Variants in SAMSN1 observed in about 807,000 individuals in gnomAD.
The protein encoded by SAMSN1 is SAM domain-containing protein SAMSN-1.
A neutral mutation model predicts 42.0 loss-of-function variants in SAMSN1; 31 were observed. The observed-to-expected ratio is 0.74, with a 90% CI of 0.55 to 1.00. SAMSN1 has a LOEUF of 1.00. SAMSN1 is among the 50% of genes least tolerant of loss of function. SAMSN1 has a pLI of 0.00. For synonymous variants in SAMSN1, 178 were observed against 151.9 expected, an observed-to-expected ratio of 1.17 and a Z score of -1.26; for missense variants, 464 against 439.4, an observed-to-expected ratio of 1.06 and a Z score of -0.50.
intron 7 of SAMSN1, among the ~76,000 whole-genome samples, chr21:14,491,578 C>G (rs1986686642): frequency 6.6e-6 from 1 of 152,166 alleles, no homozygotes; most frequent in African/African-American, 2.4e-5. Context: ...ACCACTTCAC[C>G]CAATTAGCTA....
chr21:14,647,301 T>A (rs938950478), intron 1 of SAMSN1, among the ~76,000 whole-genome samples: 2 of 151,908 alleles, frequency 1.3e-5, no homozygotes, highest in Non-Finnish European at 2.9e-5. Flanking sequence ...GTTGTAGATA[T>A]GCGACATTAT....
chr21:14,530,339 A>AAGAAAAAAAC (rs1555833469), intron 1 of SAMSN1, among the ~76,000 whole-genome samples: 1 of 141,128 alleles, frequency 7.1e-6, no homozygotes, highest in Admixed American at 7.5e-5. Context: ...AAAAAAAAGA[A>AAGAAAAAAAC]AGAAATAATC....
chr21:14,614,626 A>G (rs1982788516), intron 3 of SAMSN1, among the ~76,000 whole-genome samples: 1 of 152,196 alleles, frequency 6.6e-6, no homozygotes, highest in African/African-American at 2.4e-5. Context: ...TAAGCTCAAA[A>G]TTGTAAGCAA....
chr21:14,634,039 T>A (rs1983400121), intron 2 of SAMSN1, among the ~76,000 whole-genome samples: 1 of 152,152 alleles, frequency 6.6e-6, no homozygotes, highest in East Asian at 1.9e-4. Flanking sequence ...ACTTGATTTT[T>A]AAAATATTTA....
intron 7 of SAMSN1, among the ~76,000 whole-genome samples, chr21:14,486,541 CT>C (rs1244484564): frequency 6.6e-6 from 1 of 152,112 alleles, no homozygotes; most frequent in Non-Finnish European, 1.5e-5. Flanking sequence ...CAATAGTGAT[CT>C]TTGTGAACAA....
intron 1 of SAMSN1, among the ~76,000 whole-genome samples, chr21:14,521,900 TA>T (rs35197722): frequency 0.034 from 4,959 of 145,666 alleles, 102 homozygotes; most frequent in Middle Eastern, 0.06. Context: ...CAAGTTTGTT[TA>T]AAAAAAAAAA....
chr21:14,640,147 C>T (rs1214816868), intron 2 of SAMSN1, among the ~76,000 whole-genome samples: 1 of 152,018 alleles, frequency 6.6e-6, no homozygotes, highest in Non-Finnish European at 1.5e-5. Context: ...GCAGTGATAT[C>T]CAAAGGGTGA....
intron 1 of SAMSN1, among the ~76,000 whole-genome samples, chr21:14,535,021 A>T (rs534302847): frequency 3.5e-4 from 53 of 152,316 alleles, no homozygotes; most frequent in African/African-American, 1.3e-3. Flanking sequence ...GAAAAAAAGC[A>T]CAGAGCATTT....
Position 14,630,310 on chromosome 21 carries a change from C to T in SAMSN1, c.156+12692G>A, listed in dbSNP as rs533280359. Among the ~76,000 whole-genome samples the T allele has an allele frequency of 4.6e-5, 7 of 151,882 alleles. No individual in the cohort carries two copies. The South Asian group carries it at 1.0e-3, about 23-fold the overall frequency. ...CCATGCTTCCTGATCTATAGTAGTT[C>T]GGTCCAATGTCAGTAGTGATGACAA... is the stretch of plus-strand genomic sequence containing the variant. On this transcript the variant is annotated intron_variant, in intron 2 of 15. Transcript: ENST00000647101.
At position 14,603,042 on chromosome 21, in the gene SAMSN1, C is replaced by T. The variant is rs910038692; in HGVS notation, c.323-943G>A. Among the ~76,000 whole-genome samples the T allele has an allele frequency of 2.6e-5, 4 of 152,258 alleles. 1 individual carries two copies. The South Asian group carries it at 8.3e-4, about 32-fold the overall frequency. ...ATGAGAGTAACCATACAACAGAATTCCAGAAAGTACCTAAATTTTAAACTG... is the reference window on the plus strand; with the variant it reads ...ATGAGAGTAACCATACAACAGAATTTCAGAAAGTACCTAAATTTTAAACTG... On this transcript the variant is annotated intron_variant, in intron 5 of 15. Transcript: ENST00000647101.
chr21:14,582,307 A>G (rs1311598693), exon 2 of SAMSN1: 1 of 1,550,688 alleles, frequency 6.4e-7, no homozygotes, highest in South Asian at 1.2e-5. Flanking sequence ...CTTCACCTTC[A>G]TACCAAGCTA....
intron 5 of SAMSN1, among the ~76,000 whole-genome samples, chr21:14,509,285 AG>A (rs1474606587): frequency 6.6e-6 from 1 of 152,230 alleles, no homozygotes; most frequent in African/African-American, 2.4e-5. Context: ...TATTATTCTA[AG>A]TAAAGTAACT....
intron 2 of SAMSN1, among the ~76,000 whole-genome samples, chr21:14,634,587 G>C (rs1344014564): frequency 1.3e-5 from 2 of 152,164 alleles, no homozygotes; most frequent in Non-Finnish European, 2.9e-5. Flanking sequence ...CTGATCATTA[G>C]AGAAATGCAA....
intron 1 of SAMSN1, among the ~76,000 whole-genome samples, chr21:14,534,892 CG>C: frequency 6.6e-6 from 1 of 152,168 alleles, no homozygotes; most frequent in African/African-American, 2.4e-5. Context: ...CTTTAGTTCA[CG>C]TTACCTACTG....
intron 2 of SAMSN1, among the ~76,000 whole-genome samples, chr21:14,635,535 C>A (rs906292561): frequency 3.9e-5 from 6 of 152,106 alleles, no homozygotes; most frequent in African/African-American, 1.2e-4. Flanking sequence ...TTCTAATGCG[C>A]ATCAACAGTA....
chr21:14,542,487 T>A (rs1980106459), intron 1 of SAMSN1, among the ~76,000 whole-genome samples: 1 of 151,878 alleles, frequency 6.6e-6, no homozygotes, highest in South Asian at 2.1e-4. Flanking sequence ...TATAGAAAAA[T>A]AAAATATTTT....
intron 2 of SAMSN1, among the ~76,000 whole-genome samples, chr21:14,552,907 A>G (rs1404543307): frequency 5.3e-5 from 8 of 152,086 alleles, no homozygotes; most frequent in South Asian, 4.1e-4. Context: ...GTTCTTTTCT[A>G]TATTTCTAAA....
chr21:14,531,907 G>A (rs17003477), intron 1 of SAMSN1, among the ~76,000 whole-genome samples: 2,025 of 152,212 alleles, frequency 0.013, 16 homozygotes, highest in South Asian at 0.031. Context: ...CTTTCTAAAG[G>A]TCTGCCCAAG....
At chr21:14,496,985 A>G (rs531747581) in intron 7 of SAMSN1, among the ~76,000 whole-genome samples, 1 of 152,326 alleles carries the variant, frequency 6.6e-6, no homozygotes, top group East Asian at 1.9e-4. Flanking sequence ...AGAATAGCCC[A>G]CAAAAGGACA....
Sources: gnomAD v4.1 joint callset for allele counts (sites outside exome capture counted in the v4.1 genomes callset) on GRCh38, gnomAD v4.1.1 for gene constraint, MANE v1.5 for transcripts, NCBI Gene and HGNC (gene_info 2026-07-23, HGNC 2026-07-21) for gene names.